DNAH7: variants seen among roughly 807,000 people sequenced by gnomAD.
DNAH7 encodes the protein axonemal beta dynein heavy chain 7.
Under a neutral mutation model 444.6 loss-of-function variants are expected in DNAH7, and 397 were observed. The observed-to-expected ratio is 0.89, with a 90% CI of 0.82 to 0.97. The LOEUF (loss-of-function observed/expected upper bound fraction) is 0.97, where lower values mean the gene tolerates loss of function less well. Among genes scored for constraint, DNAH7 ranks in the 50% least tolerant of loss-of-function variants. DNAH7 has a pLI of 0.00. For synonymous variants in DNAH7, 1,636 were observed against 1,624.4 expected (o/e 1.01, Z -0.17); for missense variants, 4,902 against 4,800.8 (o/e 1.02, Z -0.62).
intron 62 of DNAH7, 147 bp downstream of exon 62, chr2:195,755,986 T>A (rs577003731): frequency 1.7e-5 from 13 of 751,796 alleles, no homozygotes; most frequent in East Asian, 2.9e-5. Context: ...AGCAGTTACA[T>A]ACATTATATG....
chr2:195,886,614 G>T (rs1701728174), intron 33 of DNAH7, among the ~76,000 whole-genome samples: 1 of 152,050 alleles, frequency 6.6e-6, no homozygotes, highest in African/African-American at 2.4e-5. Context: ...TATCTAAAAT[G>T]CTTAATTAGT....
At chr2:195,761,433 T>TA (rs1694346300) in intron 61 of DNAH7, among the ~76,000 whole-genome samples, 1 of 151,962 alleles carries the variant, frequency 6.6e-6, no homozygotes, top group African/African-American at 2.4e-5. Context: ...CAAGCAGTAG[T>TA]AACAAAGGAC....
intron 1 of DNAH7, among the ~76,000 whole-genome samples, chr2:196,066,085 A>G (rs1441424647): frequency 6.6e-6 from 1 of 152,166 alleles, no homozygotes; most frequent in Non-Finnish European, 1.5e-5. Flanking sequence ...GTCTTCCTTA[A>G]ATAGCCTGGC....
In DNAH7 at chr2:196,000,807, G is replaced by C; in HGVS notation, c.1250C>G (p.Pro417Arg). Residue 417 changes from proline to arginine, a missense_variant, in exon 12 of 65, where the codon CCT becomes CGT. By Grantham distance (103) the Pro-to-Arg change is moderately radical. Transcript: ENST00000312428. ...ILDNDTIKFE[P>R]ELSDYIDIFL... ...GATATCTATATAGTCACTCAACTCAGGTTCAAACTTAATGGTGTCATTATC... is the reference window on the plus strand; with the variant it reads ...GATATCTATATAGTCACTCAACTCACGTTCAAACTTAATGGTGTCATTATC... 6.2e-7 allele frequency: 1 copy of C among 1,608,946 alleles called. No individual in the cohort carries two copies. Among genetic ancestry groups the C allele is most frequent in the Non-Finnish European group, 8.5e-7 (1 of 1,177,264 alleles).
chr2:195,950,556 A>C (rs1690154701), intron 19 of DNAH7, among the ~76,000 whole-genome samples: 1 of 152,060 alleles, frequency 6.6e-6, no homozygotes, highest in Admixed American at 6.6e-5. Context: ...CTTTCCAAAA[A>C]ACCAGCTCCT....
chr2:195,857,454 T>A lies in DNAH7; in HGVS notation c.8337A>T (p.Val2779=). 3 of 1,613,342 alleles carry A rather than the reference T, an allele frequency of 1.9e-6. No homozygotes were observed. Among genetic ancestry groups the A allele is most frequent in the Non-Finnish European group, 2.5e-6 (3 of 1,179,784 alleles). The change falls in exon 44 of 65, where the codon GTA becomes GTT. Residue 2779 remains valine, a synonymous_variant. Transcript: ENST00000312428. ...RKNYIPNPDF[V]PEKIRNASTA... ...TAGAAGCATTTCTGATTTTTTCTGG[T>A]ACAAAATCTGGATTTGGAATATAAT...
intron 55 of DNAH7, among the ~76,000 whole-genome samples, chr2:195,798,769 A>T (rs1466321192): frequency 6.6e-6 from 1 of 151,866 alleles, no homozygotes; most frequent in African/African-American, 2.4e-5. Flanking sequence ...GATGGTCTCG[A>T]TGTCCTGACC....
intron 28 of DNAH7, among the ~76,000 whole-genome samples, chr2:195,898,150 TG>T (rs1407448341): frequency 6.6e-6 from 1 of 152,228 alleles, no homozygotes; most frequent in Non-Finnish European, 1.5e-5. Flanking sequence ...GCAATCATTT[TG>T]AAAAGAGGCA....
Position 195,984,631 on chromosome 2 carries a change from C to A in DNAH7, c.1833+1G>T. The A allele has an allele frequency of 6.2e-7, 1 of 1,612,048 alleles. No homozygotes were observed. The highest frequency in any genetic ancestry group is 8.5e-7 in the Non-Finnish European group (1 of 1,178,282). On this transcript the variant is annotated splice_donor_variant, in intron 15 of 64. Transcript: ENST00000312428. LOFTEE classifies it high-confidence loss of function. ...AATTATGGAGAAGCTATAAACAATA[C>A]CTTCATTTCCATTAGTTCTGCTGTA...
At chr2:195,921,378 C>T (rs959071980) in intron 24 of DNAH7, among the ~76,000 whole-genome samples, 74 of 151,896 alleles carry the variant, frequency 4.9e-4, no homozygotes, top group African/African-American at 1.6e-3. Context: ...CACACACACA[C>T]ACACACACAC....
At chr2:196,066,342 T>C (rs181703885) in intron 1 of DNAH7, among the ~76,000 whole-genome samples, 81 of 152,344 alleles carry the variant, frequency 5.3e-4, no homozygotes, top group Middle Eastern at 3.4e-3. Context: ...TATCCAACTT[T>C]TTTCATTCTT....
chr2:195,945,704 G>A (rs1689753637), intron 19 of DNAH7, among the ~76,000 whole-genome samples: 1 of 152,098 alleles, frequency 6.6e-6, no homozygotes, highest in Admixed American at 6.6e-5. Context: ...AATAAAGAAT[G>A]AGTACTAAGT....
intron 15 of DNAH7, among the ~76,000 whole-genome samples, chr2:195,979,809 G>A (rs879390996): frequency 1.3e-5 from 2 of 151,758 alleles, no homozygotes; most frequent in African/African-American, 2.4e-5. Context: ...GAAATTCAGA[G>A]GATCATTAGA....
intron 58 of DNAH7, among the ~76,000 whole-genome samples, chr2:195,778,413 G>C (rs1378548577): frequency 6.7e-6 from 1 of 150,154 alleles, no homozygotes; most frequent in African/African-American, 2.5e-5. Flanking sequence ...CAAGGCGAGA[G>C]AATCACTTGA....
At chr2:195,969,611 T>C (rs986410133) in intron 17 of DNAH7, among the ~76,000 whole-genome samples, 1 of 152,178 alleles carries the variant, frequency 6.6e-6, no homozygotes, top group Non-Finnish European at 1.5e-5. Context: ...CCAGGTACTA[T>C]CATTTGCCTG....
chr2:195,875,787 A>T lies in DNAH7; in HGVS notation c.6174T>A (p.Pro2058=), dbSNP rs535112642. ...MPAREVYGAQ[P]PIELLRQWLD... is the part of the protein sequence containing the mutation. ...ACCACTGTCTAAGTAACTCAATGGG[A>T]GGTTGAGCCCCATATACCTCCCGAG... Residue 2058 remains proline (P), a synonymous_variant, in exon 38 of 65, where the codon CCT becomes CCA. Transcript: ENST00000312428. 16 of 1,613,830 alleles carry T rather than the reference A, an allele frequency of 9.9e-6. No individual in the cohort carries two copies. The South Asian group carries it at 1.6e-4, about 17-fold the overall frequency.
At chr2:196,028,672 C>T (rs1056275816) in intron 5 of DNAH7, among the ~76,000 whole-genome samples, 9 of 152,150 alleles carry the variant, frequency 5.9e-5, no homozygotes, top group Non-Finnish European at 1.2e-4. Flanking sequence ...GGCAGAAAGG[C>T]ATAGTTCACA....
At chr2:195,969,858 G>T (rs1057131869) in intron 17 of DNAH7, 90 bp downstream of exon 17, 1 of 1,287,836 alleles carries the variant, frequency 7.8e-7, no homozygotes, top group Non-Finnish European at 1.1e-6. Context: ...TGTTTTATTT[G>T]AATCTACTTC....
At chr2:195,905,306 G>A (rs1354769915) in intron 27 of DNAH7, 2 of 152,086 alleles carry the variant, frequency 1.3e-5, no homozygotes, top group Non-Finnish European at 2.9e-5. Context: ...CTTTCCAAAA[G>A]AAAATGCCAA....
Sources: allele counts gnomAD v4.1 joint callset (sites outside exome capture counted in the v4.1 genomes callset), GRCh38; gene constraint gnomAD v4.1.1; transcripts MANE v1.5; gene names NCBI Gene and HGNC (gene_info 2026-07-23, HGNC 2026-07-21).